CLNK: variants seen among roughly 807,000 people sequenced by gnomAD.
CLNK encodes the protein cytokine dependent hematopoietic cell linker.
In CLNK, 74 loss-of-function variants were observed where a neutral mutation model predicts 68.6. That is an observed-to-expected ratio of 1.08 (90% CI 0.89 to 1.31). The LOEUF (loss-of-function observed/expected upper bound fraction) is 1.31, where lower values mean the gene tolerates loss of function less well. Ranked by LOEUF, CLNK falls within the 50% of genes most tolerant of loss-of-function variation. CLNK has a pLI of 0.00. For synonymous variants in CLNK, 198 were observed against 172.2 expected (o/e 1.15, Z -1.17); for missense variants, 553 against 515.3 (o/e 1.07, Z -0.71).
intron 17 of CLNK, among the ~76,000 whole-genome samples, chr4:10,503,508 A>C (rs187915938): frequency 5.2e-4 from 77 of 149,098 alleles, no homozygotes; most frequent in Non-Finnish European, 6.2e-4. Context: ...ATAATGATTT[A>C]TAGCTATAAT....
At chr4:10,653,636 G>A (rs903533246) in intron 2 of CLNK, among the ~76,000 whole-genome samples, 9 of 152,052 alleles carry the variant, frequency 5.9e-5, no homozygotes, top group African/African-American at 1.9e-4. Flanking sequence ...CTAATTTGGC[G>A]AATCAATGAA....
chr4:10,734,381 G>A, the CLNK span, among the ~76,000 whole-genome samples: 1 of 152,140 alleles, frequency 6.6e-6, no homozygotes, highest in African/African-American at 2.4e-5. Flanking sequence ...ACTGTCAAGT[G>A]AGACAAACCT....
the CLNK span, among the ~76,000 whole-genome samples, chr4:10,702,515 G>A: frequency 1.3e-5 from 2 of 152,186 alleles, no homozygotes; most frequent in East Asian, 1.9e-4. Context: ...GATAGAGAAA[G>A]AAGTGCTGAC....
rs1273766754 is a variant in CLNK at position 10,630,692 on chromosome 4, A to G, written c.12-32643T>C. On this transcript the variant is annotated intron_variant, in intron 2 of 18. Transcript: ENST00000226951. ...ATCCTTCTTTCTCATTCATTCAGTC[A>G]TCAATTTTTAGTCCATCTTTTCATT... Among the ~76,000 whole-genome samples the G allele has an allele frequency of 2.6e-5, 4 of 152,328 alleles. No individual in the cohort carries two copies. In the South Asian group the frequency reaches 6.2e-4, roughly 24 times the overall value.
At chr4:10,625,982 A>T (rs1350384028) in intron 2 of CLNK, among the ~76,000 whole-genome samples, 1 of 152,230 alleles carries the variant, frequency 6.6e-6, no homozygotes, top group African/African-American at 2.4e-5. Context: ...TAACCTTCAC[A>T]GAAACATTCG....
At chr4:10,639,760 G>T (rs1214989165) in intron 2 of CLNK, among the ~76,000 whole-genome samples, 1 of 152,200 alleles carries the variant, frequency 6.6e-6, no homozygotes, top group Non-Finnish European at 1.5e-5. Context: ...TACCATATTG[G>T]ACAGTGCAGA....
chr4:10,591,474 G>A (rs1560231789), intron 3 of CLNK, among the ~76,000 whole-genome samples: 4 of 152,230 alleles, frequency 2.6e-5, no homozygotes, highest in Admixed American at 2.0e-4. Context: ...AGTGCCTGGA[G>A]CATGTGCACA....
chr4:10,530,941 G>C (rs1315438033), intron 12 of CLNK, among the ~76,000 whole-genome samples: 2 of 152,176 alleles, frequency 1.3e-5, no homozygotes, highest in Non-Finnish European at 2.9e-5. Flanking sequence ...TCGTCAAGCA[G>C]TTATCTATGT....
chr4:10,585,016 C>G (rs1720919952), intron 3 of CLNK, 61 bp from the exon 4 acceptor site: 1 of 1,563,836 alleles, frequency 6.4e-7, no homozygotes, highest in African/African-American at 1.4e-5. Context: ...GACCCCCCGC[C>G]ACATAGGAAC....
chr4:10,535,213 GAGAAAGAAAGAAAGAAAGAAAGAA>G (rs57053319), intron 11 of CLNK, among the ~76,000 whole-genome samples: 111 of 131,392 alleles, frequency 8.4e-4, no homozygotes, highest in Admixed American at 1.1e-3. Flanking sequence ...AAGAAAGAAA[GAGAAAGAAAGAAAGAAAGAAAGAA>G]AGAAAGAAAG....
rs1032350685 is a variant in CLNK, at chr4:10,635,365, C to T, written c.11+32494G>A. ...GGTAATCAGATTGCCCCGTTTCCTACGGCAGAGACTGATCGACCCTGTCCA... is the reference window on the plus strand; with the variant it reads ...GGTAATCAGATTGCCCCGTTTCCTATGGCAGAGACTGATCGACCCTGTCCA... On this transcript the variant is annotated intron_variant, in intron 2 of 18. Coordinates refer to ENST00000226951, the MANE Select transcript of CLNK (RefSeq NM_052964.4). 6.6e-5 allele frequency among the ~76,000 whole-genome samples: 10 copies of T among 152,128 alleles called. No individual in the cohort carries two copies. The South Asian group carries it at 8.3e-4, about 13-fold the overall frequency.
rs1023247024 is a variant in CLNK, at chr4:10,633,871, A to T, written c.11+33988T>A. Reference sequence around the variant, plus strand: ...AGCCCTTTGTGGTTGGTTGTACTGGAAAAGGCTAAACAATGTTGGGTGCTC... The same window carrying T: ...AGCCCTTTGTGGTTGGTTGTACTGGTAAAGGCTAAACAATGTTGGGTGCTC... On this transcript the variant is annotated intron_variant, in intron 2 of 18. Transcript: ENST00000226951. Among the ~76,000 whole-genome samples, 9 of 152,366 alleles carry T rather than the reference A, an allele frequency of 5.9e-5. No individual in the cohort carries two copies. The East Asian group carries it at 1.5e-3, about 26-fold the overall frequency.
intron 2 of CLNK, among the ~76,000 whole-genome samples, chr4:10,655,978 A>C (rs1215753551): frequency 1.3e-5 from 2 of 152,016 alleles, no homozygotes; most frequent in African/African-American, 4.8e-5. Flanking sequence ...AGAGCCGGGT[A>C]AATTGTTTAT....
At chr4:10,596,098 T>C (rs958816219) in intron 3 of CLNK, among the ~76,000 whole-genome samples, 13 of 152,294 alleles carry the variant, frequency 8.5e-5, no homozygotes, top group African/African-American at 2.9e-4. Context: ...CTATCTTGAC[T>C]CACCACAACC....
Position 10,564,912 on chromosome 4 carries a change from AAC to A in CLNK, c.293-137_293-136del, listed in dbSNP as rs1485110445. The A allele has an allele frequency of 3.3e-5, 22 of 657,152 alleles. No homozygotes were observed. In the Admixed American group the frequency reaches 3.9e-4, roughly 12 times the overall value. 40.7% of individuals were successfully genotyped at this position (657,152 alleles called of 1,614,324 possible). On this transcript the variant is annotated intron_variant, in intron 6 of 18. Coordinates refer to ENST00000226951, the MANE Select transcript of CLNK (RefSeq NM_052964.4). Reference sequence around the variant, plus strand: ...AGAGCAAGCAATTCTGCTTTCATTTAACAGAGTAGGAGACTGACGTATGCAGA... The same window carrying A: ...AGAGCAAGCAATTCTGCTTTCATTTAAGAGTAGGAGACTGACGTATGCAGA...
intron 1 of CLNK, 150 bp from the exon 2 acceptor site, chr4:10,668,061 G>T: frequency 2.2e-6 from 1 of 450,926 alleles, no homozygotes; most frequent in Non-Finnish European, 4.1e-6. Context: ...TCAAGAATTG[G>T]CTTATTTCTG....
At chr4:10,537,706 C>T (rs28581815) in intron 11 of CLNK, among the ~76,000 whole-genome samples, 1,168 of 13,244 alleles carry the variant, frequency 0.088, 144 homozygotes, top group Middle Eastern at 0.14. Context: ...TTCCTTCCTT[C>T]CTTTCTTTCT....
At chr4:10,504,411 C>T (rs1252913283) in intron 17 of CLNK, among the ~76,000 whole-genome samples, 5 of 151,940 alleles carry the variant, frequency 3.3e-5, no homozygotes, top group Non-Finnish European at 5.9e-5. Flanking sequence ...TGAGCCACTG[C>T]GTGCCCCGCC....
chr4:10,523,427 T>TG (rs1199955696), intron 14 of CLNK, among the ~76,000 whole-genome samples: 1 of 152,118 alleles, frequency 6.6e-6, no homozygotes, highest in African/African-American at 2.4e-5. Context: ...AGTTTGATGC[T>TG]GGGGATGGAT....
Sources: allele counts gnomAD v4.1 joint callset (sites outside exome capture counted in the v4.1 genomes callset), GRCh38; gene constraint gnomAD v4.1.1; transcripts MANE v1.5; gene names NCBI Gene and HGNC (gene_info 2026-07-23, HGNC 2026-07-21).